Variants in GOSR2 observed in about 807,000 individuals in gnomAD.
GOSR2 encodes the protein golgi SNAP receptor complex member 2, also known as 27 kDa Golgi SNARE protein.
Under a neutral mutation model 27.9 loss-of-function variants are expected in GOSR2, and 20 were observed. The observed-to-expected ratio is 0.72, with a 90% CI of 0.50 to 1.04. The LOEUF (loss-of-function observed/expected upper bound fraction) is 1.04. GOSR2 is among the 50% of genes least tolerant of loss of function. GOSR2 has a pLI of 0.00. For missense variants in GOSR2, 261 were observed against 270.5 expected, an observed-to-expected ratio of 0.97 and a Z score of 0.25; for synonymous variants, 91 against 98.8, an observed-to-expected ratio of 0.92 and a Z score of 0.47.
intron 3 of GOSR2, chr17:46,931,661 C>CCCCCAT: frequency 3.3e-6 from 1 of 304,288 alleles, no homozygotes; most frequent in Non-Finnish European, 6.0e-6. Context: ...GCCACCTCCA[C>CCCCCAT]CCCCAGCGCC....
chr17:46,970,792 TGG>T (rs2091384551), downstream of GOSR2, among the ~76,000 whole-genome samples: 1 of 152,190 alleles, frequency 6.6e-6, no homozygotes, highest in African/African-American at 2.4e-5. Flanking sequence ...ATGGCTTATG[TGG>T]ATATTAGTTA....
intron 4 of GOSR2, among the ~76,000 whole-genome samples, chr17:46,934,317 A>G (rs2087901073): frequency 6.6e-6 from 1 of 152,210 alleles, no homozygotes; most frequent in African/African-American, 2.4e-5. Context: ...AGCCTGAGCA[A>G]CATGGTGAAA....
At chr17:46,974,379 T>A (rs1011539460) in intron 6 of GOSR2, among the ~76,000 whole-genome samples, 1 of 152,208 alleles carries the variant, frequency 6.6e-6, no homozygotes, top group Non-Finnish European at 1.5e-5. Flanking sequence ...TAATTTCCTC[T>A]CCTATAAACA....
intron 5 of GOSR2, 29 bp downstream of exon 5, chr17:46,935,198 A>C (rs1345647536): frequency 1.9e-6 from 3 of 1,613,050 alleles, no homozygotes; most frequent in Non-Finnish European, 2.5e-6. Context: ...GACAGAGAGA[A>C]GGCCTCTTGT....
downstream of GOSR2, among the ~76,000 whole-genome samples, chr17:46,945,868 C>T (rs1387957213): frequency 6.6e-6 from 1 of 152,148 alleles, no homozygotes; most frequent in East Asian, 1.9e-4. Flanking sequence ...GGAGATAAAC[C>T]CCTGATCGCT....
At chr17:46,951,024 A>G (rs118159652) in intron 6 of GOSR2, among the ~76,000 whole-genome samples, 3,759 of 152,218 alleles carry the variant, frequency 0.025, 65 homozygotes, top group Middle Eastern at 0.065. Flanking sequence ...CGCCCCAACT[A>G]CACGCCCATG....
rs536431584 is a variant in GOSR2 at position 46,940,424 on chromosome 17, A to C, written c.*1664A>C. 1.4e-5 allele frequency: 22 copies of C among 1,599,270 alleles called. No individual in the cohort carries two copies. The highest frequency in any genetic ancestry group is 1.8e-5 in the Non-Finnish European group (21 of 1,177,664). ...GCATCTTTAGACCTAGATCTGTCTAACTCTGGGGAGGCACATTGACATTTC... is the reference window on the plus strand; with the variant it reads ...GCATCTTTAGACCTAGATCTGTCTACCTCTGGGGAGGCACATTGACATTTC... On this transcript the variant is annotated 3_prime_UTR_variant, in exon 6 of 6. Coordinates refer to ENST00000640051, the MANE Select transcript of GOSR2 (RefSeq NM_004287.5).
At chr17:46,925,112 T>C (rs1281718192) in intron 1 of GOSR2, among the ~76,000 whole-genome samples, 1 of 152,182 alleles carries the variant, frequency 6.6e-6, no homozygotes, top group African/African-American at 2.4e-5. Context: ...CCTTGGACTC[T>C]AGCAGCTTGC....
intron 6 of GOSR2, among the ~76,000 whole-genome samples, chr17:46,958,265 C>A (rs780527065): frequency 2.6e-5 from 4 of 152,174 alleles, no homozygotes; most frequent in Admixed American, 2.0e-4. Flanking sequence ...TACAGGCATA[C>A]AAATCACACA....
At chr17:46,959,721 T>C (rs2090946475) in intron 6 of GOSR2, among the ~76,000 whole-genome samples, 1 of 152,196 alleles carries the variant, frequency 6.6e-6, no homozygotes, top group Non-Finnish European at 1.5e-5. Context: ...TTTTTCCTAT[T>C]CTGGGCTCTC....
At chr17:46,935,878 G>A (rs1225648774) in intron 5 of GOSR2, 1 of 985,884 alleles carries the variant, frequency 1.0e-6, no homozygotes, top group African/African-American at 1.7e-5. Context: ...GGATAATAGG[G>A]CGTGGGTTCT....
chr17:46,923,928 T>G, intron 1 of GOSR2: 1 of 398,572 alleles, frequency 2.5e-6, no homozygotes, highest in Non-Finnish European at 4.4e-6. Context: ...ATTATGATTT[T>G]TACCCTGTTT....
At chr17:46,952,824 T>A (rs139092861) in intron 6 of GOSR2, 2 of 152,160 alleles carry the variant, frequency 1.3e-5, no homozygotes, top group Non-Finnish European at 2.9e-5. Flanking sequence ...ATCCTTTTCC[T>A]ACTTAAGCTG....
chr17:46,951,014 C>T (rs190172899), intron 6 of GOSR2, among the ~76,000 whole-genome samples: 130 of 152,298 alleles, frequency 8.5e-4, no homozygotes, highest in Non-Finnish European at 5.4e-4. Context: ...CTGTGGCCCT[C>T]GCCCCAACTA....
At chr17:46,957,326 AC>A (rs1210296976) in intron 6 of GOSR2, among the ~76,000 whole-genome samples, 3 of 151,722 alleles carry the variant, frequency 2.0e-5, no homozygotes, top group Non-Finnish European at 4.4e-5. Flanking sequence ...AAAAAAAGAA[AC>A]CCAGGCTAAG....
intron 6 of GOSR2, among the ~76,000 whole-genome samples, chr17:46,961,415 G>A (rs1054156389): frequency 1.3e-5 from 2 of 152,064 alleles, no homozygotes; most frequent in South Asian, 2.1e-4. Flanking sequence ...TGCATCTATC[G>A]TCCCAGCTAT....
intron 6 of GOSR2, chr17:46,965,107 G>A (rs1239152036): frequency 6.6e-6 from 1 of 152,174 alleles, no homozygotes; most frequent in African/African-American, 2.4e-5. Context: ...ATTTTTAGAA[G>A]TGGAGTATCT....
Position 46,941,223 on chromosome 17 carries a change from A to AT in GOSR2, c.*2469dup, listed in dbSNP as rs1005603447. ...GACCAAGTAAGTTAGAGGAGTCTTG[A>AT]TTTTTTAGACTTCACTGCGGAGTTC... On this transcript the variant is annotated 3_prime_UTR_variant, in exon 6 of 6. Transcript: ENST00000640051. The AT allele has an allele frequency of 9.0e-6, 9 of 996,116 alleles. No homozygotes were observed. The African/African-American group carries it at 1.2e-4, about 13-fold the overall frequency. The allele number at this position is 996,116 out of a possible 1,614,324, so 61.7% of individuals were successfully genotyped here. A position where few individuals can be genotyped will look rare whatever the true frequency, so the allele number is the denominator to read the frequency against.
At chr17:46,974,201 C>G (rs965075339) in intron 6 of GOSR2, among the ~76,000 whole-genome samples, 2 of 152,240 alleles carry the variant, frequency 1.3e-5, no homozygotes, top group African/African-American at 4.8e-5. Context: ...AACCAGCTAC[C>G]TGGGGAGCAA....
Sources: gnomAD v4.1 joint callset for allele counts (sites outside exome capture counted in the v4.1 genomes callset) on GRCh38, gnomAD v4.1.1 for gene constraint, MANE v1.5 for transcripts, NCBI Gene and HGNC (gene_info 2026-07-23, HGNC 2026-07-21) for gene names.